MPPED2: variants seen among roughly 807,000 people sequenced by gnomAD.
The protein encoded by MPPED2 is metallophosphoesterase domain containing 2, also known as metallophosphoesterase MPPED2.
In MPPED2, 5 loss-of-function variants were observed where a neutral mutation model predicts 33.0. The observed-to-expected ratio is 0.15, with a 90% CI of 0.08 to 0.32. The LOEUF is 0.32. Among genes scored for constraint, MPPED2 ranks in the 10% least tolerant of loss-of-function variants. The pLI, the probability that MPPED2 is intolerant of heterozygous loss-of-function variation, is 1.00. For missense variants in MPPED2, 275 were observed against 372.1 expected, an observed-to-expected ratio of 0.74 and a Z score of 2.15; for synonymous variants, 136 against 141.9, an observed-to-expected ratio of 0.96 and a Z score of 0.29.
At chr11:30,491,817 A>C (rs1205426615) in intron 4 of MPPED2, among the ~76,000 whole-genome samples, 3 of 152,254 alleles carry the variant, frequency 2.0e-5, no homozygotes, top group Non-Finnish European at 2.9e-5. Flanking sequence ...AGTGAGATCC[A>C]AACTACTGAT....
intron 4 of MPPED2, among the ~76,000 whole-genome samples, chr11:30,478,686 C>A (rs754320717): frequency 3.3e-5 from 5 of 152,138 alleles, no homozygotes; most frequent in Non-Finnish European, 7.4e-5. Flanking sequence ...CAACAAGATT[C>A]TGAGACGCTG....
intron 3 of MPPED2, among the ~76,000 whole-genome samples, chr11:30,522,152 T>C (rs1280635375): frequency 1.3e-5 from 2 of 152,010 alleles, no homozygotes. Context: ...TGATTCTGTA[T>C]AGAAGCCTGG....
intron 4 of MPPED2, among the ~76,000 whole-genome samples, chr11:30,475,627 T>C (rs1305954362): frequency 2.0e-5 from 3 of 152,214 alleles, no homozygotes; most frequent in South Asian, 2.1e-4. Flanking sequence ...TGTTTTAGTA[T>C]AGTTCATTCC....
At chr11:30,576,100 A>T (rs1956918754) in intron 2 of MPPED2, among the ~76,000 whole-genome samples, 1 of 152,260 alleles carries the variant, frequency 6.6e-6, no homozygotes, top group South Asian at 2.1e-4. Context: ...ATGTATAAGC[A>T]TTAACATGTA....
At chr11:30,454,987 C>T (rs1362434448) in intron 4 of MPPED2, among the ~76,000 whole-genome samples, 1 of 152,188 alleles carries the variant, frequency 6.6e-6, no homozygotes, top group African/African-American at 2.4e-5. Flanking sequence ...GTACTCAACA[C>T]ATTTAGATCC....
intron 4 of MPPED2, among the ~76,000 whole-genome samples, chr11:30,430,009 T>C (rs1949009184): frequency 6.6e-6 from 1 of 152,196 alleles, no homozygotes; most frequent in African/African-American, 2.4e-5. Flanking sequence ...CCTATTTATC[T>C]TGGTGTCCCC....
At chr11:30,509,595 C>T (rs1188432651) in intron 3 of MPPED2, among the ~76,000 whole-genome samples, 1 of 152,174 alleles carries the variant, frequency 6.6e-6, no homozygotes, top group East Asian at 1.9e-4. Flanking sequence ...TAGGCCCAAA[C>T]AGGACACGTG....
chr11:30,574,683 G>A (rs1452857200), intron 2 of MPPED2, among the ~76,000 whole-genome samples: 4 of 152,158 alleles, frequency 2.6e-5, no homozygotes, highest in African/African-American at 9.6e-5. Context: ...GAGTACAAAA[G>A]AAAATAGAAG....
At chr11:30,384,609 G>C (rs372062118) in exon 7 of MPPED2, 6 of 151,678 alleles carry the variant, frequency 4.0e-5, no homozygotes, top group African/African-American at 1.5e-4. Context: ...CGAGTAGCTG[G>C]GACTACCACG....
intron 1 of MPPED2, among the ~76,000 whole-genome samples, chr11:30,582,550 T>G (rs1957216736): frequency 6.6e-6 from 1 of 152,222 alleles, no homozygotes; most frequent in Non-Finnish European, 1.5e-5. Flanking sequence ...TTTAAATGTT[T>G]CTGGAGTAAA....
chr11:30,554,890 A>G (rs1463899024), intron 2 of MPPED2, among the ~76,000 whole-genome samples: 2 of 152,098 alleles, frequency 1.3e-5, no homozygotes, highest in African/African-American at 4.8e-5. Context: ...TTCTCTAAGT[A>G]CACTGCTCAT....
chr11:30,474,255 G>A (rs1035552393), intron 4 of MPPED2, among the ~76,000 whole-genome samples: 1 of 152,122 alleles, frequency 6.6e-6, no homozygotes, highest in African/African-American at 2.4e-5. Flanking sequence ...ATGAACAGAT[G>A]GCCATGGTCC....
intron 3 of MPPED2, among the ~76,000 whole-genome samples, chr11:30,529,383 T>A (rs902420766): frequency 6.6e-6 from 1 of 152,228 alleles, no homozygotes. Flanking sequence ...ATGTGTATCT[T>A]ACAATGAAAG....
chr11:30,485,521 C>T (rs921254119), intron 4 of MPPED2, among the ~76,000 whole-genome samples: 5 of 80,766 alleles, frequency 6.2e-5, no homozygotes, highest in African/African-American at 1.4e-4. Flanking sequence ...TTATTGGGAA[C>T]AGCCTGTTTC....
intron 2 of MPPED2, among the ~76,000 whole-genome samples, chr11:30,565,582 C>T (rs566616581): frequency 2.9e-4 from 44 of 152,238 alleles, no homozygotes; most frequent in Admixed American, 2.9e-3. Flanking sequence ...AGGTCATCTC[C>T]AGAAAGTCTA....
At chr11:30,504,338 T>C (rs1952714957) in intron 3 of MPPED2, among the ~76,000 whole-genome samples, 1 of 152,066 alleles carries the variant, frequency 6.6e-6, no homozygotes, top group South Asian at 2.1e-4. Context: ...AGGAAAAAAG[T>C]AATACCAACT....
chr11:30,485,382 T>C (rs1284859556), intron 4 of MPPED2, among the ~76,000 whole-genome samples: 1 of 104,342 alleles, frequency 9.6e-6, no homozygotes, highest in Non-Finnish European at 2.5e-5. Context: ...ATTTGACAGA[T>C]GAAACTGGTT....
chr11:30,487,730 C>T (rs2134163117), intron 4 of MPPED2, among the ~76,000 whole-genome samples: 1 of 152,298 alleles, frequency 6.6e-6, no homozygotes, highest in East Asian at 1.9e-4. Flanking sequence ...CCAACCTCAA[C>T]CTCCCAAAGT....
chr11:30,585,336 G>T (rs1305809187), intron 1 of MPPED2, among the ~76,000 whole-genome samples: 2 of 152,016 alleles, frequency 1.3e-5, no homozygotes, highest in African/African-American at 4.8e-5. Context: ...AGTGAGGTTG[G>T]GGCGCGGGGA....
Sources: gnomAD v4.1 joint callset for allele counts (sites outside exome capture counted in the v4.1 genomes callset) on GRCh38, gnomAD v4.1.1 for gene constraint, MANE v1.5 for transcripts, NCBI Gene and HGNC (gene_info 2026-07-23, HGNC 2026-07-21) for gene names.